The following ACOT11 variants were observed in gnomAD, a reference collection of about 807,000 sequenced individuals.
ACOT11 encodes the protein acyl-CoA thioesterase 11.
A neutral mutation model predicts 77.5 loss-of-function variants in ACOT11; 69 were observed. That is an observed-to-expected ratio of 0.89 (90% CI 0.73 to 1.09). ACOT11 has a LOEUF of 1.09. ACOT11 is among the 50% of genes least tolerant of loss of function. ACOT11 has a pLI of 0.00. For synonymous variants in ACOT11, 279 were observed against 313.0 expected, an observed-to-expected ratio of 0.89 and a Z score of 1.15; for missense variants, 766 against 813.7, an observed-to-expected ratio of 0.94 and a Z score of 0.71.
intron 1 of ACOT11, among the ~76,000 whole-genome samples, chr1:54,570,462 C>A (rs905030918): frequency 1.3e-5 from 2 of 152,246 alleles, no homozygotes; most frequent in African/African-American, 4.8e-5. Flanking sequence ...ACCCTTGGGA[C>A]CTGTTTAGGC....
At chr1:54,626,017 T>G (rs1437562368) in intron 15 of ACOT11, among the ~76,000 whole-genome samples, 3 of 151,290 alleles carry the variant, frequency 2.0e-5, no homozygotes, top group East Asian at 3.9e-4. Flanking sequence ...TCCCAGCACT[T>G]TGGGAGGCTG....
intron 1 of ACOT11, among the ~76,000 whole-genome samples, chr1:54,560,912 G>C (rs1000438088): frequency 6.6e-6 from 1 of 151,812 alleles, no homozygotes; most frequent in Non-Finnish European, 1.5e-5. Flanking sequence ...TAGTAGAGAC[G>C]GGGTTTCACC....
At chr1:54,622,876 C>T (rs2101027837) in intron 15 of ACOT11, among the ~76,000 whole-genome samples, 1 of 151,884 alleles carries the variant, frequency 6.6e-6, no homozygotes, top group African/African-American at 2.4e-5. Flanking sequence ...GGGACGAGGG[C>T]TCAAGAAGAG....
chr1:54,622,203 G>C (rs1009238643), intron 15 of ACOT11, among the ~76,000 whole-genome samples: 1 of 151,380 alleles, frequency 6.6e-6, no homozygotes, highest in Non-Finnish European at 1.5e-5. Flanking sequence ...TTGAGCCCAG[G>C]GGGTGGAGGT....
chr1:54,588,145 A>G (rs1654572907), intron 3 of ACOT11, among the ~76,000 whole-genome samples: 1 of 151,994 alleles, frequency 6.6e-6, no homozygotes, highest in South Asian at 2.1e-4. Context: ...TGGAGGTTGC[A>G]GTGAGCCAGG....
chr1:54,611,688 G>A, downstream of ACOT11: 1 of 1,614,140 alleles, frequency 6.2e-7, no homozygotes, highest in Non-Finnish European at 8.5e-7. Flanking sequence ...CCCGGACGTA[G>A]AGCAGATCTT....
intron 15 of ACOT11, among the ~76,000 whole-genome samples, chr1:54,629,735 C>T (rs1644290120): frequency 7.5e-6 from 1 of 132,806 alleles, no homozygotes; most frequent in African/African-American, 2.5e-5. Context: ...CAGCTGTGCA[C>T]CACCATGCCT....
chr1:54,607,823 T>TC lies in ACOT11; in HGVS notation c.1503-114dup. 7.4e-7 allele frequency: 1 copy of TC among 1,344,366 alleles called. No individual in the cohort carries two copies. Among genetic ancestry groups the TC allele is most frequent in the Non-Finnish European group, 1.0e-6 (1 of 977,016 alleles). 83.3% of individuals were successfully genotyped at this position (1,344,366 alleles called of 1,614,324 possible). A position where few individuals can be genotyped will look rare whatever the true frequency, so the allele number is the denominator to read the frequency against. On this transcript the variant is annotated intron_variant, in intron 14 of 15. Coordinates refer to ENST00000343744, the MANE Select transcript of ACOT11 (RefSeq NM_147161.4). This position sits in a 1 kb window ranked among gnomAD's most constrained non-coding sequence, Gnocchi z 4.5. ...GCTTTAAGAGTCGATGTGCCTTGCA[T>TC]CCCCCTGGTGAGGAATCTGTGCTAG...
chr1:54,573,890 G>A (rs528519727), intron 1 of ACOT11, among the ~76,000 whole-genome samples: 15 of 151,700 alleles, frequency 9.9e-5, no homozygotes, highest in Non-Finnish European at 1.5e-4. Context: ...TTAGCCGGGC[G>A]TGATGGCGCA....
intron 15 of ACOT11, chr1:54,623,476 G>C (rs1041768971): frequency 9.7e-7 from 1 of 1,036,026 alleles, no homozygotes; most frequent in African/African-American, 1.6e-5. Context: ...TCCTGTGGGA[G>C]GCAGGAGCTC....
rs566837685 is a variant in ACOT11, at chr1:54,605,348, G to A, written c.1370+139G>A. The A allele has an allele frequency of 1.8e-4, 245 of 1,348,684 alleles. 2 individuals carry two copies. The East Asian group carries it at 6.2e-3, about 34-fold the overall frequency. The allele number at this position is 1,348,684 out of a possible 1,614,324, so 83.5% of individuals were successfully genotyped here. A position where few individuals can be genotyped will look rare whatever the true frequency, so the allele number is the denominator to read the frequency against. ...TGGGTTGGAGTTCCATGCTGGGTGG[G>A]GGTTCAGGGTCATGGGTATTTTGAG... On this transcript the variant is annotated intron_variant, in intron 13 of 15. Transcript: ENST00000343744.
intron 13 of ACOT11, among the ~76,000 whole-genome samples, chr1:54,605,844 A>T (rs142782489): frequency 3.3e-5 from 5 of 152,306 alleles, no homozygotes; most frequent in African/African-American, 1.2e-4. Flanking sequence ...TTCTTAGGAA[A>T]ATAGCAAAAT....
At chr1:54,638,213 C>T (rs1007590938) in exon 17 of ACOT11, 2 of 152,156 alleles carry the variant, frequency 1.3e-5, no homozygotes, top group African/African-American at 2.4e-5. Context: ...ACTAACTTCT[C>T]GACAGAATCC....
At chr1:54,571,910 G>T (rs1653940528) in intron 1 of ACOT11, among the ~76,000 whole-genome samples, 1 of 152,078 alleles carries the variant, frequency 6.6e-6, no homozygotes, top group Non-Finnish European at 1.5e-5. Context: ...GGAGGAAGAG[G>T]ACATCATCCC....
intron 15 of ACOT11, chr1:54,619,717 C>A (rs1224483799): frequency 1.2e-5 from 9 of 771,276 alleles, no homozygotes; most frequent in Non-Finnish European, 1.4e-5. Flanking sequence ...GGTCACTTAA[C>A]CCCTCTGAGC....
At position 54,609,203 on chromosome 1, in the gene ACOT11, T is replaced by A; in HGVS notation, c.*91T>A. ...GCCTGGAGAAAGCCAAAGACCTTTA[T>A]TTCTTCCTGCCTCCCCGTGGGAAGC... On this transcript the variant is annotated 3_prime_UTR_variant, in exon 16 of 16. Transcript: ENST00000343744. The A allele has an allele frequency of 6.3e-7, 1 of 1,593,672 alleles. No individual in the cohort carries two copies. The highest frequency in any genetic ancestry group is 8.6e-7 in the Non-Finnish European group (1 of 1,168,582).
chr1:54,612,467 TGGG>T, downstream of ACOT11: 1 of 1,563,032 alleles, frequency 6.4e-7, no homozygotes, highest in South Asian at 1.1e-5. Flanking sequence ...AGGGTGGGGG[TGGG>T]TTTGGTGGTT....
At chr1:54,567,282 CTT>C (rs5774191) in intron 1 of ACOT11, among the ~76,000 whole-genome samples, 15 of 139,686 alleles carry the variant, frequency 1.1e-4, no homozygotes, top group Admixed American at 1.4e-4. Context: ...GACTTTTTTC[CTT>C]TTTTTTTTTT....
At position 54,604,072 on chromosome 1, in the gene ACOT11, G is replaced by A. The variant is rs545649832; in HGVS notation, c.1152+135G>A. 2.3e-3 allele frequency: 1,906 copies of A among 841,960 alleles called. 16 individuals carry two copies. Among genetic ancestry groups the A allele is most frequent in the South Asian group, 9.5e-3 (602 of 63,310 alleles). The allele number at this position is 841,960 out of a possible 1,614,324, so 52.2% of individuals were successfully genotyped here. On this transcript the variant is annotated intron_variant, in intron 11 of 15. Coordinates refer to ENST00000343744, the MANE Select transcript of ACOT11 (RefSeq NM_147161.4). ...ACACGCCTCATGATTGCTACCATTA[G>A]CAAAGAGCTGGCCTGCGTCCCTGTT...
Sources: allele counts gnomAD v4.1 joint callset (sites outside exome capture counted in the v4.1 genomes callset), GRCh38; gene constraint gnomAD v4.1.1; non-coding constraint Gnocchi (gnomAD v3.1); transcripts MANE v1.5; gene names NCBI Gene and HGNC (gene_info 2026-07-23, HGNC 2026-07-21).